The following SAMD5 variants were observed in gnomAD, a reference collection of about 807,000 sequenced individuals.
SAMD5 encodes sterile alpha motif domain-containing protein 5.
A neutral mutation model predicts 11.3 loss-of-function variants in SAMD5; 13 were observed. That is an observed-to-expected ratio of 1.15 (90% CI 0.75 to 1.83). The LOEUF is 1.83. SAMD5 is among the 40% of genes most tolerant of loss of function. SAMD5 has a pLI of 0.00. For missense variants in SAMD5, 255 were observed against 239.1 expected, an observed-to-expected ratio of 1.07 and a Z score of -0.44; for synonymous variants, 129 against 111.3, an observed-to-expected ratio of 1.16 and a Z score of -1.00.
chr6:147,892,377 G>A, the SAMD5 span, among the ~76,000 whole-genome samples: 1 of 152,166 alleles, frequency 6.6e-6, no homozygotes, highest in South Asian at 2.1e-4. Flanking sequence ...TGAATTTCTT[G>A]CTTTACTTTC....
At chr6:147,774,928 A>G in the SAMD5 span, among the ~76,000 whole-genome samples, 2 of 152,158 alleles carry the variant, frequency 1.3e-5, no homozygotes, top group African/African-American at 4.8e-5. Flanking sequence ...GCATAGAAAC[A>G]ACCAACATAC....
intron 1 of SAMD5, among the ~76,000 whole-genome samples, chr6:147,654,824 C>T (rs1282361681): frequency 6.6e-6 from 1 of 151,616 alleles, no homozygotes; most frequent in Non-Finnish European, 1.5e-5. Context: ...CCCAAAATAC[C>T]TTCCCAACAA....
chr6:147,565,009 G>A lies in SAMD5; in HGVS notation c.*553G>A. ...TTTGGTGAAGGAATTCTTATTTTAA[G>A]GTGCTTTTATATAGTTATTTTGTAT... is the stretch of plus-strand genomic sequence containing the variant. On this transcript the variant is annotated 3_prime_UTR_variant, in exon 2 of 2. Coordinates refer to ENST00000367474, the MANE Select transcript of SAMD5 (RefSeq NM_001030060.3). The A allele has an allele frequency of 2.2e-6, 2 of 907,146 alleles. No homozygotes were observed. Among genetic ancestry groups the A allele is most frequent in the African/African-American group, 1.8e-5 (1 of 55,534 alleles). The allele number at this position is 907,146 out of a possible 1,614,324, so 56.2% of individuals were successfully genotyped here. A position where few individuals can be genotyped will look rare whatever the true frequency, so the allele number is the denominator to read the frequency against.
At chr6:147,855,431 A>G in the SAMD5 span, among the ~76,000 whole-genome samples, 1 of 152,184 alleles carries the variant, frequency 6.6e-6, no homozygotes, top group East Asian at 1.9e-4. Context: ...AAGCAGAATT[A>G]TGCCCCAAGA....
At chr6:147,655,614 G>A (rs1213164819) in intron 1 of SAMD5, among the ~76,000 whole-genome samples, 1 of 152,116 alleles carries the variant, frequency 6.6e-6, no homozygotes, top group East Asian at 1.9e-4. Flanking sequence ...CACGACAAAT[G>A]CTAAAGAATA....
chr6:147,844,668 T>TAAA, the SAMD5 span, among the ~76,000 whole-genome samples: 1 of 145,440 alleles, frequency 6.9e-6, no homozygotes. Context: ...TAAAACAATT[T>TAAA]AAAAAAAAAA....
At chr6:147,617,354 T>G (rs1039473384) in intron 1 of SAMD5, among the ~76,000 whole-genome samples, 3 of 152,230 alleles carry the variant, frequency 2.0e-5, no homozygotes, top group African/African-American at 7.2e-5. Flanking sequence ...CTCCATGCCC[T>G]TGGGCCTCAA....
At chr6:147,553,218 G>A (rs1348018939) in intron 1 of SAMD5, among the ~76,000 whole-genome samples, 12 of 152,190 alleles carry the variant, frequency 7.9e-5, no homozygotes, top group Admixed American at 6.5e-4. Flanking sequence ...GAACTGAAGC[G>A]GAGAATGGTT....
At chr6:147,657,632 A>T (rs529665524) in intron 1 of SAMD5, among the ~76,000 whole-genome samples, 2 of 152,222 alleles carry the variant, frequency 1.3e-5, no homozygotes, top group Non-Finnish European at 2.9e-5. Flanking sequence ...TATTTCTCAC[A>T]GTTCTGGAGG....
the SAMD5 span, among the ~76,000 whole-genome samples, chr6:147,922,626 G>A: frequency 2.0e-5 from 3 of 152,180 alleles, no homozygotes; most frequent in Non-Finnish European, 2.9e-5. Flanking sequence ...CAGTTCTGCT[G>A]TAATTAATTT....
the SAMD5 span, among the ~76,000 whole-genome samples, chr6:147,786,112 T>C: frequency 6.6e-6 from 1 of 152,212 alleles, no homozygotes; most frequent in East Asian, 1.9e-4. Context: ...ACTAAGACTT[T>C]TGAGTTCCGC....
chr6:147,881,770 A>T, the SAMD5 span, among the ~76,000 whole-genome samples: 2 of 152,174 alleles, frequency 1.3e-5, no homozygotes, highest in African/African-American at 4.8e-5. Context: ...AGAATTCCTC[A>T]CTTCAAGAAG....
chr6:147,566,075 T>C lies in SAMD5; in HGVS notation c.*1619T>C. On this transcript the variant is annotated 3_prime_UTR_variant, in exon 2 of 2. Transcript: ENST00000367474. ...AGGCCATTAAGAAGGATATTAGGTT[T>C]CTAAGGACAATTTTAACACAATACT... 1.0e-6 allele frequency: 1 copy of C among 983,782 alleles called. No homozygotes were observed. The highest frequency in any genetic ancestry group is 1.2e-6 in the Non-Finnish European group (1 of 828,418). 60.9% of individuals were successfully genotyped at this position (983,782 alleles called of 1,614,324 possible).
the SAMD5 span, among the ~76,000 whole-genome samples, chr6:147,894,053 T>A: frequency 2.3e-3 from 349 of 152,180 alleles, no homozygotes; most frequent in African/African-American, 8.1e-3. Context: ...TCATCATCTT[T>A]GAGGGGATTT....
chr6:147,827,903 C>T, the SAMD5 span, among the ~76,000 whole-genome samples: 1 of 151,962 alleles, frequency 6.6e-6, no homozygotes, highest in South Asian at 2.1e-4. Flanking sequence ...CATTCTCCTG[C>T]CTCAGCCTCC....
At chr6:147,615,481 AT>A (rs1330910455) in intron 1 of SAMD5, among the ~76,000 whole-genome samples, 1 of 152,146 alleles carries the variant, frequency 6.6e-6, no homozygotes, top group Admixed American at 6.6e-5. Context: ...TTGGGCACCT[AT>A]TTTCTGTGAT....
the SAMD5 span, among the ~76,000 whole-genome samples, chr6:147,823,867 G>T: frequency 7.2e-5 from 11 of 152,156 alleles, no homozygotes; most frequent in African/African-American, 2.7e-4. Flanking sequence ...GAATTCCAGT[G>T]TATACTTTTT....
At chr6:147,630,161 C>T (rs1790126460) in intron 1 of SAMD5, among the ~76,000 whole-genome samples, 1 of 151,992 alleles carries the variant, frequency 6.6e-6, no homozygotes, top group African/African-American at 2.4e-5. Flanking sequence ...GTTGGTCAGG[C>T]TGGTCTTGAA....
At chr6:147,925,838 C>T in the SAMD5 span, among the ~76,000 whole-genome samples, 2 of 152,094 alleles carry the variant, frequency 1.3e-5, no homozygotes, top group Non-Finnish European at 2.9e-5. Flanking sequence ...TCCTCCCACC[C>T]TCCACCCTCA....
Sources: gnomAD v4.1 joint callset for allele counts (sites outside exome capture counted in the v4.1 genomes callset) on GRCh38, gnomAD v4.1.1 for gene constraint, MANE v1.5 for transcripts, NCBI Gene and HGNC (gene_info 2026-07-23, HGNC 2026-07-21) for gene names.